PTPRM: variants seen among roughly 807,000 people sequenced by gnomAD.
PTPRM encodes receptor-type tyrosine-protein phosphatase mu.
In PTPRM, 47 loss-of-function variants were observed where a neutral mutation model predicts 186.7. The ratio of observed to expected loss-of-function variants is 0.25; its 90% confidence interval spans 0.20 to 0.32. The LOEUF is 0.32. Ranked by LOEUF, PTPRM falls within the 10% of genes least tolerant of loss-of-function variation. PTPRM has a pLI of 1.00. For synonymous variants in PTPRM, 668 were observed against 674.9 expected, an observed-to-expected ratio of 0.99 and a Z score of 0.16; for missense variants, 1,494 against 1,865.0, an observed-to-expected ratio of 0.80 and a Z score of 3.66.
chr18:7,784,300 C>T (rs1488782151), intron 2 of PTPRM, among the ~76,000 whole-genome samples: 2 of 152,100 alleles, frequency 1.3e-5, no homozygotes, highest in African/African-American at 2.4e-5. Flanking sequence ...TCTTGTCATA[C>T]CTAACTAAAA....
chr18:7,642,398 C>G (rs2038464496), intron 1 of PTPRM, among the ~76,000 whole-genome samples: 2 of 152,174 alleles, frequency 1.3e-5, no homozygotes. Context: ...ATTTCCTACA[C>G]TAATCCTAAA....
At chr18:7,576,808 T>G (rs2036699477) in intron 1 of PTPRM, among the ~76,000 whole-genome samples, 1 of 152,214 alleles carries the variant, frequency 6.6e-6, no homozygotes, top group African/African-American at 2.4e-5. Context: ...TTCTCTCTTC[T>G]CTGTTTGAGT....
At position 7,668,930 on chromosome 18, in the gene PTPRM, C is replaced by T. The variant is rs768526173; in HGVS notation, c.73+101039C>T. ...GAACAGGGGATCTTTGTCTCTTTTCCTCAATGACATGTGTCAGATGCCTTA... is the reference window on the plus strand; with the variant it reads ...GAACAGGGGATCTTTGTCTCTTTTCTTCAATGACATGTGTCAGATGCCTTA... On this transcript the variant is annotated intron_variant, in intron 1 of 32. Transcript: ENST00000580170. The surrounding 1 kb of genome is among the most constrained non-coding windows in gnomAD (Gnocchi z 4.7). Among the ~76,000 whole-genome samples, 3 of 151,794 alleles carry T rather than the reference C, an allele frequency of 2.0e-5. No individual in the cohort carries two copies. Among genetic ancestry groups the T allele is most frequent in the Admixed American group, 6.6e-5 (1 of 15,248 alleles).
intron 7 of PTPRM, among the ~76,000 whole-genome samples, chr18:8,020,315 G>A (rs868208719): frequency 5.7e-4 from 86 of 152,154 alleles, no homozygotes; most frequent in African/African-American, 1.6e-3. Flanking sequence ...TTGTGGACTC[G>A]CAGGTCAGTA....
intron 22 of PTPRM, among the ~76,000 whole-genome samples, chr18:8,321,898 TAGATCACCAGTAATCA>T (rs77300383): frequency 0.1 from 15,283 of 152,246 alleles, 862 homozygotes; most frequent in African/African-American, 0.15. Flanking sequence ...CTAATAGCCT[TAGATCACCAGTAATCA>T]AGATCACTGA....
chr18:8,354,220 A>AAG (rs1256610505), intron 23 of PTPRM, among the ~76,000 whole-genome samples: 1 of 151,692 alleles, frequency 6.6e-6, no homozygotes, highest in Non-Finnish European at 1.5e-5. Flanking sequence ...CTTAAAAAAA[A>AAG]AAAAAGTATA....
intron 1 of PTPRM, among the ~76,000 whole-genome samples, chr18:7,655,758 A>G (rs990067863): frequency 3.3e-5 from 5 of 152,194 alleles, no homozygotes; most frequent in African/African-American, 1.2e-4. Context: ...TCTTAAATAC[A>G]TATTATTAAG....
intron 4 of PTPRM, among the ~76,000 whole-genome samples, chr18:7,917,838 C>T (rs1349713828): frequency 6.6e-6 from 1 of 152,100 alleles, no homozygotes; most frequent in African/African-American, 2.4e-5. Context: ...ACCCCCACTC[C>T]CCCTATCCAT....
intron 19 of PTPRM, among the ~76,000 whole-genome samples, chr18:8,254,745 T>C (rs1408709210): frequency 1.3e-5 from 2 of 152,246 alleles, no homozygotes; most frequent in Non-Finnish European, 2.9e-5. Context: ...TTTTCCAAGC[T>C]TGATCATCAG....
chr18:7,630,887 G>A (rs943062184), intron 1 of PTPRM, among the ~76,000 whole-genome samples: 1 of 152,140 alleles, frequency 6.6e-6, no homozygotes, highest in Admixed American at 6.5e-5. Flanking sequence ...ATGGTTGCAG[G>A]CATATAGTGT....
chr18:7,868,791 C>T (rs752718732), intron 2 of PTPRM, among the ~76,000 whole-genome samples: 7 of 152,194 alleles, frequency 4.6e-5, no homozygotes, highest in African/African-American at 7.2e-5. Flanking sequence ...GCTGAAGCTG[C>T]GCCCACAGCC....
chr18:8,201,359 C>G (rs1165602995), intron 14 of PTPRM, among the ~76,000 whole-genome samples: 1 of 152,146 alleles, frequency 6.6e-6, no homozygotes, highest in African/African-American at 2.4e-5. Flanking sequence ...ATATAATCTT[C>G]GGTTTTACAT....
At chr18:7,821,808 G>C (rs1346682106) in intron 2 of PTPRM, among the ~76,000 whole-genome samples, 1 of 152,182 alleles carries the variant, frequency 6.6e-6, no homozygotes, top group African/African-American at 2.4e-5. Context: ...GGTATCTACA[G>C]CATGGATCTA....
At chr18:7,920,397 TTATAGA>T (rs528473849) in intron 4 of PTPRM, among the ~76,000 whole-genome samples, 1 of 152,178 alleles carries the variant, frequency 6.6e-6, no homozygotes, top group Non-Finnish European at 1.5e-5. Context: ...AAAACATATC[TTATAGA>T]TATAAGTTAT....
intron 11 of PTPRM, among the ~76,000 whole-genome samples, chr18:8,099,580 GA>G (rs1568339551): frequency 1.1e-3 from 160 of 152,230 alleles, no homozygotes; most frequent in African/African-American, 3.8e-3. Context: ...CTTCCGGATG[GA>G]AAATTAACAG....
intron 14 of PTPRM, among the ~76,000 whole-genome samples, chr18:8,172,944 A>G (rs1360094665): frequency 6.6e-6 from 1 of 152,180 alleles, no homozygotes; most frequent in Non-Finnish European, 1.5e-5. Flanking sequence ...ATGTATATCT[A>G]CTTACATATA....
chr18:7,988,892 G>A (rs544850711), intron 7 of PTPRM, among the ~76,000 whole-genome samples: 12 of 152,162 alleles, frequency 7.9e-5, no homozygotes, highest in South Asian at 4.2e-4. Flanking sequence ...ATATCTGTTT[G>A]ATTTCTAAGG....
intron 7 of PTPRM, among the ~76,000 whole-genome samples, chr18:8,051,975 C>T (rs2087533415): frequency 6.6e-6 from 1 of 152,004 alleles, no homozygotes; most frequent in Admixed American, 6.6e-5. Context: ...AAAACAAATG[C>T]CACTGTGATA....
intron 1 of PTPRM, among the ~76,000 whole-genome samples, chr18:7,662,937 A>G (rs1598325545): frequency 6.6e-6 from 1 of 152,222 alleles, no homozygotes; most frequent in Admixed American, 6.5e-5. Context: ...TGTCTTCATC[A>G]TGTTTGCACC....
Sources: allele counts gnomAD v4.1 joint callset (sites outside exome capture counted in the v4.1 genomes callset), GRCh38; gene constraint gnomAD v4.1.1; non-coding constraint Gnocchi (gnomAD v3.1); transcripts MANE v1.5; gene names NCBI Gene and HGNC (gene_info 2026-07-23, HGNC 2026-07-21).